Variants in PAX6 observed in about 807,000 individuals in gnomAD.
PAX6 encodes paired box 6, also known as paired box protein Pax-6.
In PAX6, 7 loss-of-function variants were observed where a neutral mutation model predicts 60.7. The ratio of observed to expected loss-of-function variants is 0.12; its 90% CI spans 0.07 to 0.22. The LOEUF (loss-of-function observed/expected upper bound fraction) is 0.22. Among genes scored for constraint, PAX6 ranks in the 10% least tolerant of loss-of-function variants. PAX6 has a pLI of 1.00. For synonymous variants in PAX6, 208 were observed against 201.2 expected (o/e 1.03, Z -0.29); for missense variants, 355 against 555.2 (o/e 0.64, Z 3.62).
intron 10 of PAX6, 89 bp from the exon 11 acceptor site, chr11:31,793,891 T>C (rs1950665976): frequency 6.8e-7 from 1 of 1,474,820 alleles, no homozygotes; most frequent in Non-Finnish European, 9.5e-7. Flanking sequence ...CCCACGCCCA[T>C]GGCAGCAGAG....
intron 1 of PAX6, chr11:31,816,568 T>G (rs531529786): frequency 2.8e-6 from 2 of 702,612 alleles, no homozygotes; most frequent in South Asian, 3.0e-5. Context: ...CACTTCCCAC[T>G]GCGAAGCAGG....
At chr11:31,790,582 C>A in intron 13 of PAX6, 128 bp downstream of exon 13, 1 of 1,540,922 alleles carries the variant, frequency 6.5e-7, no homozygotes. Context: ...TTTTCAATCC[C>A]CATCCCCCAG....
At chr11:31,802,974 A>G in intron 4 of PAX6, 140 bp from the exon 5 acceptor site, 1 of 902,414 alleles carries the variant, frequency 1.1e-6, no homozygotes, top group Non-Finnish European at 1.7e-6. Flanking sequence ...AGGAAGAAGG[A>G]GAGGAGGAGG....
At chr11:31,800,910 C>A (rs1953605382) in intron 7 of PAX6, 54 bp from the exon 8 acceptor site, 1 of 1,570,652 alleles carries the variant, frequency 6.4e-7, no homozygotes, top group Non-Finnish European at 8.8e-7. Flanking sequence ...AAGACACAGT[C>A]ACCCATCTCA....
chr11:31,790,532 A>G (rs1949554209), intron 13 of PAX6, 178 bp downstream of exon 13: 3 of 971,568 alleles, frequency 3.1e-6, no homozygotes, highest in African/African-American at 3.5e-5. Flanking sequence ...GTTTTTGTCT[A>G]TATGGTGTAA....
At chr11:31,790,177 AAGT>A in intron 13 of PAX6, 158 bp from the exon 14 acceptor site, 4 of 644,516 alleles carry the variant, frequency 6.2e-6, no homozygotes, top group South Asian at 4.1e-5. Flanking sequence ...TTACAAATAA[AAGT>A]AGCACCTTCA....
At chr11:31,794,548 C>A in intron 9 of PAX6, 82 bp downstream of exon 9, 1 of 1,393,928 alleles carries the variant, frequency 7.2e-7, no homozygotes, top group Non-Finnish European at 1.0e-6. Flanking sequence ...TGCAAAGGGC[C>A]CTGGCTAAAT....
chr11:31,793,238 AT>A, intron 12 of PAX6, 199 bp downstream of exon 12: 3 of 696,024 alleles, frequency 4.3e-6, no homozygotes, highest in Non-Finnish European at 7.9e-6. Flanking sequence ...TTTATTACTC[AT>A]TTTTTTAGGG....
chr11:31,801,963 C>CT (rs145866071), intron 5 of PAX6, 51 bp from the exon 6 acceptor site: 30 of 1,453,714 alleles, frequency 2.1e-5, no homozygotes, highest in Middle Eastern at 3.9e-4. Flanking sequence ...CTGTAGAGAG[C>CT]TTTTTTTCTT....
At chr11:31,806,525 A>G in intron 3 of PAX6, 63 bp from the exon 4 acceptor site, 1 of 1,236,080 alleles carries the variant, frequency 8.1e-7, no homozygotes, top group South Asian at 1.3e-5. Flanking sequence ...TGAACTCCCA[A>G]CCGAGGTGGA....
chr11:31,802,686 C>A lies in PAX6; in HGVS notation c.141+18G>T, dbSNP rs1190652112. 6.2e-7 allele frequency: 1 copy of A among 1,605,138 alleles called. No homozygotes were observed. Among genetic ancestry groups the A allele is most frequent in the East Asian group, 2.2e-5 (1 of 44,576 alleles). ...AGGGCCGCGGGGGCGGCGAGTGGGG[C>A]GGCGCCGGGAGGATCACCTGCAGAA... On this transcript the variant is annotated intron_variant, in intron 5 of 13. Coordinates refer to ENST00000640368, the MANE Select transcript of PAX6 (RefSeq NM_001368894.2).
At chr11:31,794,561 A>G in intron 9 of PAX6, 69 bp downstream of exon 9, 1 of 1,512,422 alleles carries the variant, frequency 6.6e-7, no homozygotes, top group Non-Finnish European at 9.2e-7. Flanking sequence ...GGCTAAATTT[A>G]GCTCTTTGTA....
chr11:31,793,471 G>C lies in PAX6; in HGVS notation c.1041C>G (p.Pro347=). The C allele has an allele frequency of 6.2e-7, 1 of 1,614,244 alleles. No homozygotes were observed. The highest frequency in any genetic ancestry group is 8.5e-7 in the Non-Finnish European group (1 of 1,180,030). The change falls in exon 12 of 14, where the codon CCC becomes CCG. Residue 347 remains proline (P), a synonymous_variant. Coordinates refer to ENST00000640368, the MANE Select transcript of PAX6 (RefSeq NM_001368894.2). ...TNTYSALPPM[P]SFTMANNLPM... Reference sequence around the variant, plus strand: ...GCAGGTTATTTGCCATGGTGAAGCTGGGCATAGGCGGCAGAGCGCTGTAGG... The same window carrying C: ...GCAGGTTATTTGCCATGGTGAAGCTCGGCATAGGCGGCAGAGCGCTGTAGG...
intron 8 of PAX6, among the ~76,000 whole-genome samples, chr11:31,797,222 C>A (rs1053313459): frequency 2.0e-5 from 3 of 152,150 alleles, no homozygotes; most frequent in Admixed American, 6.5e-5. Context: ...GGCCCCATCT[C>A]GGTCCCTTTT....
chr11:31,807,345 A>C (rs1347540719), intron 2 of PAX6: 2 of 152,632 alleles, frequency 1.3e-5, no homozygotes, highest in Non-Finnish European at 2.9e-5. Flanking sequence ...GCCGGAGAGC[A>C]TAGGCTGGAG....
At chr11:31,817,079 C>T (rs1257082010) in intron 1 of PAX6, among the ~76,000 whole-genome samples, 1 of 152,270 alleles carries the variant, frequency 6.6e-6, no homozygotes, top group Admixed American at 6.5e-5. Context: ...CTTGGCGGCC[C>T]GGCTCCCATG....
At chr11:31,816,569 G>T (rs1465899486) in intron 1 of PAX6, 1 of 702,650 alleles carries the variant, frequency 1.4e-6, no homozygotes, top group East Asian at 2.7e-5. Context: ...ACTTCCCACT[G>T]CGAAGCAGGC....
Position 31,801,655 on chromosome 11 carries a change from G to T in PAX6, c.305C>A (p.Ala102Asp). The T allele has an allele frequency of 6.2e-7, 1 of 1,614,098 alleles. No individual in the cohort carries two copies. The highest frequency in any genetic ancestry group is 1.1e-5 in the South Asian group (1 of 91,070). Residue 102 changes from alanine to aspartate, a missense_variant, in exon 7 of 14, where the codon GCC (alanine) becomes GAC (aspartate). Transcript: ENST00000640368. ...GGACGGGCACTCCCGCTTATACTGG[G>T]CTATTTTGCTTACAACTTCTGGAGT... ...VATPEVVSKI[A>D]QYKRECPSIF...
At chr11:31,811,566 G>T, upstream of PAX6, 1 of 218,826 alleles carries the variant, frequency 4.6e-6, no homozygotes, top group Non-Finnish European at 9.0e-6. Flanking sequence ...GATTCGGCGC[G>T]GCCCGCCCTG....
Sources: gnomAD v4.1 joint callset for allele counts (sites outside exome capture counted in the v4.1 genomes callset) on GRCh38, gnomAD v4.1.1 for gene constraint, MANE v1.5 for transcripts, NCBI Gene and HGNC (gene_info 2026-07-23, HGNC 2026-07-21) for gene names.